SKI: variants seen among roughly 807,000 people sequenced by gnomAD.
SKI encodes the protein ski oncogene.
Under a neutral mutation model 59.3 loss-of-function variants are expected in SKI, and 23 were observed. That is an observed-to-expected ratio of 0.39 (90% CI 0.28 to 0.55). The LOEUF is 0.55. Among genes scored for constraint, SKI ranks in the 20% least tolerant of loss-of-function variants. The probability of loss-of-function intolerance (pLI) is 0.67; values close to 1 mark genes in which losing one functional copy is unlikely to be tolerated. For synonymous variants in SKI, 673 were observed against 488.6 expected, an observed-to-expected ratio of 1.38 and a Z score of -4.98; for missense variants, 1,017 against 1,038.9, an observed-to-expected ratio of 0.98 and a Z score of 0.29.
At chr1:2,237,730 G>A (rs1638782596) in intron 1 of SKI, among the ~76,000 whole-genome samples, 1 of 152,144 alleles carries the variant, frequency 6.6e-6, no homozygotes, top group Non-Finnish European at 1.5e-5. Context: ...TCTTTTTTTG[G>A]AAATAAGGCC....
rs138448498 is a variant in SKI, at chr1:2,288,423, G to A, written c.970-14555G>A. ...AGGCATGAGCCACTGTGCCCAGCAGGGCTGTTTACTTAAAGGTACATGTTC... is the reference window on the plus strand; with the variant it reads ...AGGCATGAGCCACTGTGCCCAGCAGAGCTGTTTACTTAAAGGTACATGTTC... On this transcript the variant is annotated intron_variant, in intron 1 of 6. Transcript: ENST00000378536. 2.7e-3 allele frequency among the ~76,000 whole-genome samples: 408 copies of A among 152,304 alleles called. 4 individuals carry two copies. Among genetic ancestry groups the A allele is most frequent in the Non-Finnish European group, 2.9e-3 (197 of 68,028 alleles).
At chr1:2,256,273 C>CT (rs1176411442) in intron 1 of SKI, among the ~76,000 whole-genome samples, 2 of 152,180 alleles carry the variant, frequency 1.3e-5, no homozygotes, top group African/African-American at 4.8e-5. Flanking sequence ...CTGGAGCTCT[C>CT]TGTGTCCTTA....
At chr1:2,293,502 C>T (rs1000782641) in intron 1 of SKI, among the ~76,000 whole-genome samples, 1 of 151,442 alleles carries the variant, frequency 6.6e-6, no homozygotes, top group Non-Finnish European at 1.5e-5. Context: ...CCCTTTTCTG[C>T]GTGTCTGTCC....
rs1039718877 is a variant in SKI, at chr1:2,285,515, C to G, written c.970-17463C>G. ...GGGTGACAAAAGCAAAAGTCTGTCT[C>G]AAAAACAAACAATAAACAAACAACT... is the stretch of plus-strand genomic sequence containing the variant. On this transcript the variant is annotated intron_variant, in intron 1 of 6. Transcript: ENST00000378536. Among the ~76,000 whole-genome samples the G allele has an allele frequency of 2.0e-5, 3 of 149,354 alleles. No individual in the cohort carries two copies. In the East Asian group the frequency reaches 6.2e-4, roughly 31 times the overall value.
intron 1 of SKI, among the ~76,000 whole-genome samples, chr1:2,265,323 C>CT (rs1235035076): frequency 1.3e-5 from 2 of 151,620 alleles, no homozygotes; most frequent in Admixed American, 1.3e-4. Flanking sequence ...CTTCTGGATT[C>CT]TTTTTTTTCC....
intron 1 of SKI, among the ~76,000 whole-genome samples, chr1:2,291,968 T>C (rs1640171748): frequency 6.6e-6 from 1 of 152,250 alleles, no homozygotes. Context: ...AATAGGTTAA[T>C]TTAAGCCCAA....
rs1347331671 is a variant in SKI, at chr1:2,306,661, C to T, written c.2083C>T (p.Arg695Trp). 3 of 1,544,974 alleles carry T rather than the reference C, an allele frequency of 1.9e-6. No individual in the cohort carries two copies. The highest frequency in any genetic ancestry group is 2.6e-6 in the Non-Finnish European group (3 of 1,145,280). ...CGACCTGCTGCGGGAGCGCGAGGCC[C>T]GGGAGCACCTGGAGAAGGTGGTGAA... ...RADLLREREAREHLEKVVKEL... is the reference protein window; with the variant it reads ...RADLLREREAWEHLEKVVKEL... The change falls in exon 7 of 7, where the codon CGG becomes TGG. Residue 695 changes from arginine (R) to tryptophan (W), a missense_variant. Arg to Trp is a moderately radical substitution (Grantham distance 101). Coordinates refer to ENST00000378536, the MANE Select transcript of SKI (RefSeq NM_003036.4).
intron 1 of SKI, among the ~76,000 whole-genome samples, chr1:2,302,165 C>G (rs1461303303): frequency 6.6e-6 from 1 of 152,164 alleles, no homozygotes; most frequent in Non-Finnish European, 1.5e-5. Flanking sequence ...ACCTGACACA[C>G]AACACCTGGT....
intron 1 of SKI, among the ~76,000 whole-genome samples, chr1:2,295,644 G>A (rs914031732): frequency 4.0e-5 from 6 of 151,148 alleles, no homozygotes; most frequent in Admixed American, 1.3e-4. Context: ...TGGGCCACGC[G>A]TGGCTGTGTG....
intron 1 of SKI, among the ~76,000 whole-genome samples, chr1:2,277,062 C>T (rs1274260645): frequency 2.0e-5 from 3 of 152,178 alleles, no homozygotes; most frequent in African/African-American, 7.2e-5. Flanking sequence ...TCATTTGGGG[C>T]TGTAGGAAGG....
At position 2,270,911 on chromosome 1, in the gene SKI, G is replaced by C. The variant is rs536889268; in HGVS notation, c.970-32067G>C. ...CCCTGTCCCGGGCCACCCCAGGCTG[G>C]ACCAGCTGCCCATGTCACCAGGCCA... On this transcript the variant is annotated intron_variant, in intron 1 of 6. Transcript: ENST00000378536. This position sits in a 1 kb window ranked among gnomAD's most constrained non-coding sequence, Gnocchi z 4.1. Among the ~76,000 whole-genome samples the C allele has an allele frequency of 4.6e-5, 7 of 152,290 alleles. No homozygotes were observed. The highest frequency in any genetic ancestry group is 1.7e-4 in the African/African-American group (7 of 41,574).
At position 2,310,011 on chromosome 1, in the gene SKI, C is replaced by T. The variant is rs1282223508; in HGVS notation, c.*3246C>T. The T allele has an allele frequency of 6.7e-6, 1 of 149,682 alleles. No homozygotes were observed. The highest frequency in any genetic ancestry group is 1.5e-5 in the Non-Finnish European group (1 of 67,628). 9.3% of individuals were successfully genotyped at this position (149,682 alleles called of 1,614,324 possible). Reference sequence around the variant, plus strand: ...CCCAGACCCCCGCCCCTGCCCGTGCCCCACGCTGCTGCTAACGACAGTATG... The same window carrying T: ...CCCAGACCCCCGCCCCTGCCCGTGCTCCACGCTGCTGCTAACGACAGTATG... On this transcript the variant is annotated 3_prime_UTR_variant, in exon 7 of 7. Transcript: ENST00000378536.
intron 1 of SKI, among the ~76,000 whole-genome samples, chr1:2,272,803 G>A (rs1001585440): frequency 6.6e-6 from 1 of 151,808 alleles, no homozygotes; most frequent in East Asian, 1.9e-4. Context: ...CCCTGGGACC[G>A]GTGAGGCAGT....
At chr1:2,305,161 T>G (rs1033227264) in intron 5 of SKI, among the ~76,000 whole-genome samples, 2 of 152,220 alleles carry the variant, frequency 1.3e-5, no homozygotes, top group South Asian at 2.1e-4. Context: ...CTGCACACGC[T>G]GCTTCTCTGG....
chr1:2,263,478 C>G (rs1370889141), intron 1 of SKI, among the ~76,000 whole-genome samples: 2 of 150,844 alleles, frequency 1.3e-5, no homozygotes, highest in Non-Finnish European at 3.0e-5. Context: ...ATTAGGTGAT[C>G]CTCCTGCCTC....
intron 1 of SKI, among the ~76,000 whole-genome samples, chr1:2,287,610 C>T (rs1001829305): frequency 2.6e-5 from 4 of 152,144 alleles, no homozygotes; most frequent in African/African-American, 7.2e-5. Flanking sequence ...TAGGTGTGCT[C>T]TGCCTGTGGG....
At chr1:2,277,837 C>T (rs1639778732) in intron 1 of SKI, among the ~76,000 whole-genome samples, 1 of 142,480 alleles carries the variant, frequency 7.0e-6, no homozygotes, top group African/African-American at 2.6e-5. Context: ...CACTCACGCA[C>T]TCAGGACCGA....
intron 1 of SKI, among the ~76,000 whole-genome samples, chr1:2,255,871 C>T (rs1557823307): frequency 2.0e-5 from 3 of 151,394 alleles, no homozygotes; most frequent in Non-Finnish European, 4.4e-5. Context: ...ATTGCATTTC[C>T]TCTCTGGAGC....
At chr1:2,234,733 T>G (rs893939724) in intron 1 of SKI, among the ~76,000 whole-genome samples, 5 of 152,230 alleles carry the variant, frequency 3.3e-5, no homozygotes, top group African/African-American at 1.2e-4. Flanking sequence ...TGAGGGAGGA[T>G]TTCTCCACTG....
Sources: allele counts gnomAD v4.1 joint callset (sites outside exome capture counted in the v4.1 genomes callset), GRCh38; gene constraint gnomAD v4.1.1; non-coding constraint Gnocchi (gnomAD v3.1); transcripts MANE v1.5; gene names NCBI Gene and HGNC (gene_info 2026-07-23, HGNC 2026-07-21).